Variants in GALNT10 observed in about 807,000 individuals in gnomAD.
GALNT10 encodes polypeptide N-acetylgalactosaminyltransferase 10.
Under a neutral mutation model 75.0 loss-of-function variants are expected in GALNT10, and 41 were observed. The ratio of observed to expected loss-of-function variants is 0.55; its 90% CI spans 0.43 to 0.71. The LOEUF is 0.71. Among genes scored for constraint, GALNT10 ranks in the 30% least tolerant of loss-of-function variants. GALNT10 has a pLI of 0.00. For missense variants in GALNT10, 727 were observed against 818.5 expected (o/e 0.89, Z 1.36); for synonymous variants, 302 against 313.0 (o/e 0.96, Z 0.37).
At chr5:154,364,258 A>C (rs1007541793) in intron 4 of GALNT10, among the ~76,000 whole-genome samples, 1 of 152,348 alleles carries the variant, frequency 6.6e-6, no homozygotes. Flanking sequence ...ATGGTTCTGG[A>C]AAGGTTGGTT....
At chr5:154,337,620 G>C in intron 4 of GALNT10, 1 of 893,658 alleles carries the variant, frequency 1.1e-6, no homozygotes, top group Non-Finnish European at 1.9e-6. Flanking sequence ...AAAATTTGAA[G>C]ACTGATAGTT....
At chr5:154,341,449 T>C (rs1228396578) in intron 4 of GALNT10, among the ~76,000 whole-genome samples, 1 of 152,204 alleles carries the variant, frequency 6.6e-6, no homozygotes, top group Non-Finnish European at 1.5e-5. Context: ...TAATCTGCAA[T>C]GAAGGTGAAA....
intron 10 of GALNT10, among the ~76,000 whole-genome samples, chr5:154,413,264 A>T (rs1756440064): frequency 1.3e-5 from 2 of 152,192 alleles, no homozygotes; most frequent in South Asian, 2.1e-4. Flanking sequence ...AAAGTGCGTT[A>T]TTGTCTCATG....
chr5:154,299,489 C>G (rs1754329865), intron 3 of GALNT10, among the ~76,000 whole-genome samples: 1 of 152,222 alleles, frequency 6.6e-6, no homozygotes, highest in African/African-American at 2.4e-5. Flanking sequence ...CCCAGGGAGT[C>G]TGGCTCTAGA....
intron 1 of GALNT10, among the ~76,000 whole-genome samples, chr5:154,236,702 G>T (rs1753251656): frequency 1.3e-5 from 2 of 152,324 alleles, no homozygotes; most frequent in South Asian, 4.1e-4. Flanking sequence ...TCACTTTTGA[G>T]TATTTATGAT....
At chr5:154,266,568 A>T (rs1459663055) in intron 1 of GALNT10, among the ~76,000 whole-genome samples, 1 of 102,522 alleles carries the variant, frequency 9.8e-6, no homozygotes, top group African/African-American at 3.4e-5. Flanking sequence ...ATTAAAGACT[A>T]TCATTAAAAA....
intron 1 of GALNT10, among the ~76,000 whole-genome samples, chr5:154,195,800 T>C (rs1774928967): frequency 6.6e-6 from 1 of 152,352 alleles, no homozygotes; most frequent in South Asian, 2.1e-4. Context: ...GCCAAGATTA[T>C]CACCCCAAAT....
chr5:154,334,839 G>C (rs1032795194), intron 4 of GALNT10, among the ~76,000 whole-genome samples: 1 of 152,326 alleles, frequency 6.6e-6, no homozygotes, highest in Non-Finnish European at 1.5e-5. Context: ...TGCTGGGCCC[G>C]TTAGTTCACA....
At chr5:154,198,904 CT>C (rs1045942850) in intron 1 of GALNT10, among the ~76,000 whole-genome samples, 1 of 152,122 alleles carries the variant, frequency 6.6e-6, no homozygotes, top group Non-Finnish European at 1.5e-5. Context: ...CCAGGGCAGC[CT>C]AGGTTAGCAT....
At chr5:154,346,998 C>T in intron 4 of GALNT10, 1 of 298,460 alleles carries the variant, frequency 3.4e-6, no homozygotes, top group Non-Finnish European at 6.8e-6. Context: ...TTTATTCATC[C>T]CTTCTTTTTC....
chr5:154,384,814 T>C (rs537848199), intron 6 of GALNT10, among the ~76,000 whole-genome samples: 1 of 152,382 alleles, frequency 6.6e-6, no homozygotes, highest in Non-Finnish European at 1.5e-5. Context: ...TGCTGCTTTT[T>C]AGCCATGGGG....
chr5:154,416,582 G>T lies in GALNT10; in HGVS notation c.1654-232G>T, dbSNP rs763772754. 1.4e-4 allele frequency among the ~76,000 whole-genome samples: 21 copies of T among 151,714 alleles called. No individual in the cohort carries two copies. The highest frequency in any genetic ancestry group is 5.1e-4 in the African/African-American group (21 of 41,302). On this transcript the variant is annotated intron_variant, in intron 11 of 11. Transcript: ENST00000297107. This position sits in a 1 kb window ranked among gnomAD's most constrained non-coding sequence, Gnocchi z 4.5. The stretch of plus-strand genomic sequence containing the variant: ...TCTAGGTCCCAGGCCTGGAAGCTGC[G>T]TGCATCACTTCTGGCCACATCCCAG...
intron 1 of GALNT10, among the ~76,000 whole-genome samples, chr5:154,244,655 T>G (rs1481559079): frequency 6.6e-6 from 1 of 151,898 alleles, no homozygotes; most frequent in Non-Finnish European, 1.5e-5. Context: ...ACAGCAAGGG[T>G]GGCAGATGTG....
chr5:154,415,408 G>A (rs536492985), intron 10 of GALNT10, among the ~76,000 whole-genome samples: 1 of 152,088 alleles, frequency 6.6e-6, no homozygotes, highest in African/African-American at 2.4e-5. Flanking sequence ...TGCAGTCTCG[G>A]CTCACTGCAA....
intron 1 of GALNT10, among the ~76,000 whole-genome samples, chr5:154,216,940 A>G (rs139763249): frequency 0.012 from 1,807 of 152,012 alleles, 18 homozygotes; most frequent in Middle Eastern, 0.045. Context: ...CTCCTCTCCT[A>G]TCCTCCAGTG....
intron 1 of GALNT10, among the ~76,000 whole-genome samples, chr5:154,266,393 T>C (rs1050851810): frequency 2.0e-5 from 3 of 152,118 alleles, no homozygotes; most frequent in Non-Finnish European, 2.9e-5. Flanking sequence ...GAGGATTTCT[T>C]TAATTAAATT....
chr5:154,277,178 A>G (rs73279671), intron 1 of GALNT10, among the ~76,000 whole-genome samples: 30,117 of 151,584 alleles, frequency 0.2, 3,352 homozygotes, highest in African/African-American at 0.28. Flanking sequence ...GCTCTGCTAA[A>G]CTTGGCTGGG....
At chr5:154,275,076 T>C (rs550675563) in intron 1 of GALNT10, among the ~76,000 whole-genome samples, 1 of 152,358 alleles carries the variant, frequency 6.6e-6, no homozygotes, top group East Asian at 1.9e-4. Context: ...CTCCTTCACC[T>C]CTCTGGACTA....
At chr5:154,204,361 C>T (rs1488072231) in intron 1 of GALNT10, among the ~76,000 whole-genome samples, 1 of 152,208 alleles carries the variant, frequency 6.6e-6, no homozygotes, top group Non-Finnish European at 1.5e-5. Context: ...CTGCCACAGC[C>T]TCCTGGCTCC....
Sources: allele counts gnomAD v4.1 joint callset (sites outside exome capture counted in the v4.1 genomes callset), GRCh38; gene constraint gnomAD v4.1.1; non-coding constraint Gnocchi (gnomAD v3.1); transcripts MANE v1.5; gene names NCBI Gene and HGNC (gene_info 2026-07-23, HGNC 2026-07-21).